The following PREX2 variants were observed in gnomAD, a reference collection of about 807,000 sequenced individuals.
PREX2 encodes phosphatidylinositol 3,4,5-trisphosphate-dependent Rac exchanger 2 protein.
A neutral mutation model predicts 203.2 loss-of-function variants in PREX2; 107 were observed. That is an observed-to-expected ratio of 0.53 (90% CI 0.45 to 0.62). The LOEUF is 0.62. PREX2 is among the 20% of genes least tolerant of loss of function. The pLI, the probability that PREX2 is intolerant of heterozygous loss-of-function variation, is 0.00. For synonymous variants in PREX2, 672 were observed against 663.6 expected, an observed-to-expected ratio of 1.01 and a Z score of -0.19; for missense variants, 1,777 against 1,955.9, an observed-to-expected ratio of 0.91 and a Z score of 1.72.
chr8:67,998,417 C>G (rs1056692088), intron 1 of PREX2, among the ~76,000 whole-genome samples: 1 of 152,166 alleles, frequency 6.6e-6, no homozygotes, highest in African/African-American at 2.4e-5. Flanking sequence ...CTGGCTGGTA[C>G]ATGTAAGCTT....
chr8:68,039,530 T>A (rs1472408053), intron 7 of PREX2, among the ~76,000 whole-genome samples: 5 of 152,154 alleles, frequency 3.3e-5, no homozygotes. Context: ...GTCCCACATC[T>A]GTGTCAGTTG....
chr8:68,025,475 T>G (rs1807692082), intron 4 of PREX2, among the ~76,000 whole-genome samples: 2 of 152,122 alleles, frequency 1.3e-5, no homozygotes, highest in Admixed American at 1.3e-4. Flanking sequence ...AATGATGTGT[T>G]TATGTGTGGG....
chr8:67,955,170 A>AAAAAAAAAT (rs1554556251), intron 1 of PREX2, among the ~76,000 whole-genome samples: 5 of 139,410 alleles, frequency 3.6e-5, no homozygotes, highest in African/African-American at 8.2e-5. Flanking sequence ...AAAAAAAAAA[A>AAAAAAAAAT]AGAAATCATA....
intron 1 of PREX2, among the ~76,000 whole-genome samples, chr8:67,986,203 AGT>A (rs1016268325): frequency 2.0e-5 from 3 of 152,228 alleles, no homozygotes; most frequent in African/African-American, 7.2e-5. Flanking sequence ...TACAAGGCAC[AGT>A]GTGTGTATAT....
intron 38 of PREX2, among the ~76,000 whole-genome samples, chr8:68,219,541 A>T (rs548185876): frequency 2.6e-5 from 4 of 152,268 alleles, no homozygotes; most frequent in South Asian, 4.2e-4. Flanking sequence ...GAATTTTTTT[A>T]AAAAATGAAT....
At chr8:68,160,031 A>G (rs1307415388) in intron 35 of PREX2, among the ~76,000 whole-genome samples, 2 of 152,216 alleles carry the variant, frequency 1.3e-5, no homozygotes, top group Admixed American at 1.3e-4. Context: ...AAACAAAAAA[A>G]TCATTAAAAA....
At chr8:67,953,207 TCTG>T (rs1805405962) in intron 1 of PREX2, among the ~76,000 whole-genome samples, 1 of 116,612 alleles carries the variant, frequency 8.6e-6, no homozygotes, top group Non-Finnish European at 1.7e-5. Flanking sequence ...AAATCTGTCT[TCTG>T]CTCAGTTTCT....
intron 6 of PREX2, among the ~76,000 whole-genome samples, chr8:68,037,316 T>C (rs146612611): frequency 0.011 from 1,662 of 152,268 alleles, 31 homozygotes; most frequent in African/African-American, 0.037. Context: ...CATTTTTTTC[T>C]TTTTTTGGTC....
intron 25 of PREX2, among the ~76,000 whole-genome samples, chr8:68,114,574 T>C (rs1459916351): frequency 6.6e-6 from 1 of 152,224 alleles, no homozygotes; most frequent in African/African-American, 2.4e-5. Context: ...CACAGCCAAA[T>C]GTTCAAGCCT....
chr8:68,184,545 G>T (rs1450937517), intron 35 of PREX2, among the ~76,000 whole-genome samples: 1 of 152,202 alleles, frequency 6.6e-6, no homozygotes, highest in African/African-American at 2.4e-5. Context: ...ATCAGGAGAA[G>T]TATATATCTG....
chr8:68,196,291 A>G (rs1423254658), intron 37 of PREX2, among the ~76,000 whole-genome samples: 1 of 150,180 alleles, frequency 6.7e-6, no homozygotes, highest in Non-Finnish European at 1.5e-5. Flanking sequence ...AATCGTATAA[A>G]TACGATTAAA....
chr8:68,200,292 T>C (rs968574991), intron 37 of PREX2, among the ~76,000 whole-genome samples: 23 of 152,216 alleles, frequency 1.5e-4, no homozygotes, highest in African/African-American at 5.5e-4. Flanking sequence ...AAAGACAAAA[T>C]ATATCCTACT....
At chr8:68,060,855 G>A (rs1014154034) in intron 11 of PREX2, 76 bp downstream of exon 11, 3 of 974,804 alleles carry the variant, frequency 3.1e-6, no homozygotes, top group South Asian at 1.6e-5. Context: ...TATCAGTTTA[G>A]TTTACAATTC....
rs369263713 is a variant in PREX2, at chr8:68,226,031, C to CT, written c.4775+1414dup. ...ACAAGAAAAGAAACCAATGAATTTG[C>CT]TTTTTTTTTCTTTATTGGGTGATGT... On this transcript the variant is annotated intron_variant, in intron 39 of 39. Transcript: ENST00000288368. Among the ~76,000 whole-genome samples, 26 of 151,308 alleles carry CT rather than the reference C, an allele frequency of 1.7e-4. No individual in the cohort carries two copies. The South Asian group carries it at 2.1e-3, about 12-fold the overall frequency.
At position 67,990,635 on chromosome 8, in the gene PREX2, G is replaced by A. The variant is rs186332231; in HGVS notation, c.142-27211G>A. On this transcript the variant is annotated intron_variant, in intron 1 of 39. Transcript: ENST00000288368. ...AGCAATTCTCCTGCCTCAGCCTCCC[G>A]AGTAACTGAGATTACAGGTGCCCGC... 2.2e-3 allele frequency among the ~76,000 whole-genome samples: 337 copies of A among 151,592 alleles called. 1 individual carries two copies. Among genetic ancestry groups the A allele is most frequent in the Admixed American group, 7.7e-3 (118 of 15,236 alleles).
intron 31 of PREX2, among the ~76,000 whole-genome samples, chr8:68,132,502 T>G (rs1316274010): frequency 6.6e-6 from 1 of 152,110 alleles, no homozygotes; most frequent in East Asian, 1.9e-4. Flanking sequence ...AATATTTAAT[T>G]ATCTTTCTAA....
chr8:68,160,215 T>C (rs146144872), intron 35 of PREX2, among the ~76,000 whole-genome samples: 1 of 152,266 alleles, frequency 6.6e-6, no homozygotes, highest in African/African-American at 2.4e-5. Context: ...ATCAGTCTTT[T>C]CCATCCTTGC....
chr8:68,191,888 T>C, intron 36 of PREX2, 100 bp downstream of exon 36: 3 of 767,334 alleles, frequency 3.9e-6, no homozygotes, highest in Non-Finnish European at 6.7e-6. Context: ...CTAAGTAGTT[T>C]TAATCTAAGT....
At chr8:68,222,197 A>G (rs771878710) in intron 38 of PREX2, among the ~76,000 whole-genome samples, 1 of 152,176 alleles carries the variant, frequency 6.6e-6, no homozygotes, top group Non-Finnish European at 1.5e-5. Context: ...TTATTCTCCC[A>G]GTAGTAAAGA....
Sources: gnomAD v4.1 joint callset for allele counts (sites outside exome capture counted in the v4.1 genomes callset) on GRCh38, gnomAD v4.1.1 for gene constraint, MANE v1.5 for transcripts, NCBI Gene and HGNC (gene_info 2026-07-23, HGNC 2026-07-21) for gene names.